Variants in ADAMTS2 observed in about 807,000 individuals in gnomAD.
The protein encoded by ADAMTS2 is ADAM metallopeptidase with thrombospondin type 1 motif 2.
ADAMTS2 carries 50 observed loss-of-function variants against 123.0 expected under a neutral mutation model. The ratio of observed to expected loss-of-function variants is 0.41; its 90% CI spans 0.32 to 0.51. The LOEUF is 0.51. Among genes scored for constraint, ADAMTS2 ranks in the 20% least tolerant of loss-of-function variants. The pLI, the probability that ADAMTS2 is intolerant of heterozygous loss-of-function variation, is 0.35. For synonymous variants in ADAMTS2, 678 were observed against 695.4 expected, an observed-to-expected ratio of 0.98 and a Z score of 0.39; for missense variants, 1,494 against 1,705.2, an observed-to-expected ratio of 0.88 and a Z score of 2.18.
chr5:179,331,589 G>A (rs1373106567), intron 2 of ADAMTS2, among the ~76,000 whole-genome samples: 2 of 88,364 alleles, frequency 2.3e-5, no homozygotes, highest in Non-Finnish European at 4.7e-5. Context: ...AGGGAGAGGA[G>A]GGGGAAGGGA....
At chr5:179,341,483 A>C (rs946922661) in intron 2 of ADAMTS2, among the ~76,000 whole-genome samples, 45 of 152,210 alleles carry the variant, frequency 3.0e-4, no homozygotes, top group Non-Finnish European at 5.7e-4. Context: ...GGCAGATCAC[A>C]AGGTCAGGAG....
chr5:179,322,029 C>T (rs770628362), intron 2 of ADAMTS2, among the ~76,000 whole-genome samples: 9 of 152,214 alleles, frequency 5.9e-5, no homozygotes, highest in Admixed American at 2.0e-4. Context: ...AGGTACAATA[C>T]GACCCTTTTG....
chr5:179,223,152 C>T (rs1765164584), intron 3 of ADAMTS2, among the ~76,000 whole-genome samples: 1 of 152,240 alleles, frequency 6.6e-6, no homozygotes, highest in Non-Finnish European at 1.5e-5. Context: ...TGCGTGGCAC[C>T]ACCTCTAGGA....
At chr5:179,328,278 C>T (rs754162240) in intron 2 of ADAMTS2, among the ~76,000 whole-genome samples, 7 of 152,244 alleles carry the variant, frequency 4.6e-5, no homozygotes, top group East Asian at 1.9e-4. Flanking sequence ...GTGATCCACC[C>T]GCCTCGGCCT....
Position 179,197,834 on chromosome 5 carries a change from C to T in ADAMTS2, c.891+9679G>A, listed in dbSNP as rs1392100673. ...TCCCTGTCTGTACCTGGGGACGAAA[C>T]TTGAGGTGCCACACACATCTGAGCT... On this transcript the variant is annotated intron_variant, in intron 4 of 21. Coordinates refer to ENST00000251582, the MANE Select transcript of ADAMTS2 (RefSeq NM_014244.5). This position sits in a 1 kb window ranked among gnomAD's most constrained non-coding sequence, Gnocchi z 4.2. Among the ~76,000 whole-genome samples, 1 of 152,216 alleles carries T rather than the reference C, an allele frequency of 6.6e-6. No individual in the cohort carries two copies. Among genetic ancestry groups the T allele is most frequent in the African/African-American group, 2.4e-5 (1 of 41,466 alleles).
intron 5 of ADAMTS2, among the ~76,000 whole-genome samples, chr5:179,163,819 C>T (rs142017475): frequency 1.8e-4 from 28 of 152,348 alleles, no homozygotes; most frequent in Non-Finnish European, 3.8e-4. Flanking sequence ...TTTCGTTCTC[C>T]AACCCCAAGG....
chr5:179,267,960 G>A (rs1011699491), intron 3 of ADAMTS2, among the ~76,000 whole-genome samples: 7 of 152,204 alleles, frequency 4.6e-5, no homozygotes, highest in South Asian at 2.1e-4. Flanking sequence ...TACCCGGGTC[G>A]GCCTGGGCCC....
chr5:179,329,935 G>GC (rs1199088179), intron 2 of ADAMTS2, among the ~76,000 whole-genome samples: 6 of 151,750 alleles, frequency 4.0e-5, no homozygotes, highest in Non-Finnish European at 8.8e-5. Flanking sequence ...GACCATCCTG[G>GC]CTAACAAGGT....
intron 3 of ADAMTS2, among the ~76,000 whole-genome samples, chr5:179,257,098 C>A (rs2113480180): frequency 6.6e-6 from 1 of 152,314 alleles, no homozygotes; most frequent in Non-Finnish European, 1.5e-5. Context: ...TCTCTGTCAC[C>A]AAGGGCCCAC....
chr5:179,249,184 A>G (rs2113465618), intron 3 of ADAMTS2, among the ~76,000 whole-genome samples: 1 of 152,232 alleles, frequency 6.6e-6, no homozygotes, highest in East Asian at 1.9e-4. Context: ...AATATATAAT[A>G]AATAATAAAT....
chr5:179,319,236 A>G (rs570540036), intron 2 of ADAMTS2, among the ~76,000 whole-genome samples: 50 of 152,340 alleles, frequency 3.3e-4, no homozygotes, highest in African/African-American at 1.2e-3. Flanking sequence ...CCTGTGACAC[A>G]TGCATCACAT....
chr5:179,280,988 A>G (rs533685891), intron 2 of ADAMTS2, among the ~76,000 whole-genome samples: 13 of 152,060 alleles, frequency 8.5e-5, no homozygotes, highest in South Asian at 4.1e-4. Context: ...CTCCCAAGTA[A>G]CTGGGATTAC....
chr5:179,204,155 A>T (rs967899881), intron 4 of ADAMTS2, among the ~76,000 whole-genome samples: 7 of 152,172 alleles, frequency 4.6e-5, no homozygotes, highest in African/African-American at 1.7e-4. Context: ...AATTCTCAGA[A>T]ACAGAAAGTG....
chr5:179,280,088 T>C (rs1766849320), intron 2 of ADAMTS2, among the ~76,000 whole-genome samples: 1 of 152,066 alleles, frequency 6.6e-6, no homozygotes, highest in Admixed American at 6.5e-5. Flanking sequence ...CACAACAGAG[T>C]TGCCTCTGAG....
At chr5:179,261,755 C>T (rs953815468) in intron 3 of ADAMTS2, among the ~76,000 whole-genome samples, 1 of 152,234 alleles carries the variant, frequency 6.6e-6, no homozygotes. Context: ...CTGCACACTC[C>T]TAAGTACGTG....
chr5:179,151,872 G>A, intron 10 of ADAMTS2, among the ~76,000 whole-genome samples: 1 of 152,186 alleles, frequency 6.6e-6, no homozygotes, highest in East Asian at 1.9e-4. Context: ...CCCAGAAATT[G>A]CTCCTTAAAG....
chr5:179,299,448 G>T (rs1292734925), intron 2 of ADAMTS2, among the ~76,000 whole-genome samples: 1 of 137,746 alleles, frequency 7.3e-6, no homozygotes, highest in African/African-American at 2.8e-5. Context: ...AGAATGGTGT[G>T]AACCCAGGAG....
chr5:179,257,651 C>T (rs1311686136), intron 3 of ADAMTS2, among the ~76,000 whole-genome samples: 2 of 152,192 alleles, frequency 1.3e-5, no homozygotes, highest in South Asian at 2.1e-4. Context: ...CTCACAGAAA[C>T]GGAACCGCTG....
chr5:179,210,400 A>G (rs1200860822), intron 3 of ADAMTS2, among the ~76,000 whole-genome samples: 1 of 152,270 alleles, frequency 6.6e-6, no homozygotes, highest in Admixed American at 6.5e-5. Flanking sequence ...TTGCAAGCCC[A>G]TTAAAAACAG....
Sources: allele counts gnomAD v4.1 joint callset (sites outside exome capture counted in the v4.1 genomes callset), GRCh38; gene constraint gnomAD v4.1.1; non-coding constraint Gnocchi (gnomAD v3.1); transcripts MANE v1.5; gene names NCBI Gene and HGNC (gene_info 2026-07-23, HGNC 2026-07-21).